FGF13: variants seen among roughly 807,000 people sequenced by gnomAD.
FGF13 encodes fibroblast growth factor 13.
Under a neutral mutation model 19.5 loss-of-function variants are expected in FGF13, and 2 were observed. The ratio of observed to expected loss-of-function variants is 0.10; its 90% CI spans 0.04 to 0.32. FGF13 has a LOEUF of 0.32. FGF13 is among the 10% of genes least tolerant of loss of function. FGF13 has a pLI of 1.00. For synonymous variants in FGF13, 72 were observed against 76.9 expected, an observed-to-expected ratio of 0.94 and a Z score of 0.33; for missense variants, 113 against 192.7, an observed-to-expected ratio of 0.59 and a Z score of 2.45.
At chrX:138,723,672 A>G (rs1466836991) in intron 1 of FGF13, among the ~76,000 whole-genome samples, 3 of 112,093 alleles carry the variant, frequency 2.7e-5, no homozygotes, top group Non-Finnish European at 5.6e-5. Flanking sequence ...AGGTCAACAG[A>G]AAAATAAAAT....
At chrX:138,958,672 G>T in intron 1 of FGF13, among the ~76,000 whole-genome samples, 2 of 111,669 alleles carry the variant, frequency 1.8e-5, no homozygotes, top group Non-Finnish European at 3.8e-5. Flanking sequence ...TAGTTGGTAG[G>T]CTATTAATTA....
At chrX:138,980,605 T>G (rs1016773855) in intron 1 of FGF13, among the ~76,000 whole-genome samples, 2 of 110,778 alleles carry the variant, frequency 1.8e-5, no homozygotes, top group East Asian at 5.6e-4. Flanking sequence ...GCTTGATAAA[T>G]TCTAATAATC....
intron 3 of FGF13, among the ~76,000 whole-genome samples, chrX:138,844,032 T>G (rs1194665430): frequency 8.9e-6 from 1 of 112,320 alleles, no homozygotes; most frequent in Non-Finnish European, 1.9e-5. Context: ...TTGTTCTTTT[T>G]AAACACTACT....
intron 3 of FGF13, among the ~76,000 whole-genome samples, chrX:138,778,636 A>C (rs972554668): frequency 1.3e-4 from 15 of 112,329 alleles, no homozygotes; most frequent in Non-Finnish European, 2.6e-4. Flanking sequence ...CACCGGGAGA[A>C]TATATCCCGC....
chrX:138,846,711 T>C (rs2091186218), intron 3 of FGF13, among the ~76,000 whole-genome samples: 2 of 112,225 alleles, frequency 1.8e-5, no homozygotes, highest in African/African-American at 3.2e-5. Flanking sequence ...TTTATAGCAG[T>C]GTGAGAACTG....
In FGF13 at chrX:139,171,664, T is replaced by C. The variant is rs760449460; in HGVS notation, c.-113+31752A>G. ...TCAATTTAATTTCTAAATTGGATGC[T>C]TTTTCTAAAATATATAAGCATTAAT... On this transcript the variant is annotated intron_variant, in intron 1 of 2. Transcript: ENST00000421460. 2.7e-5 allele frequency among the ~76,000 whole-genome samples: 3 copies of C among 112,549 alleles called. No homozygotes were observed. In the South Asian group the frequency reaches 1.1e-3, roughly 41 times the overall value.
intron 1 of FGF13, among the ~76,000 whole-genome samples, chrX:138,916,114 C>A (rs1405723040): frequency 8.9e-6 from 1 of 111,834 alleles, no homozygotes; most frequent in African/African-American, 3.3e-5. Context: ...TTTGGGAGAC[C>A]TGTTGATCAC....
chrX:138,786,148 G>A (rs1051279330), intron 3 of FGF13, among the ~76,000 whole-genome samples: 8 of 111,688 alleles, frequency 7.2e-5, no homozygotes, highest in African/African-American at 2.3e-4. Context: ...TCTTCACTCA[G>A]AACCAGAGTA....
chrX:138,712,935 G>A (rs1337362254), upstream of FGF13, among the ~76,000 whole-genome samples: 1 of 112,295 alleles, frequency 8.9e-6, no homozygotes, highest in Non-Finnish European at 1.9e-5. Context: ...TAGCCCATAA[G>A]AGCTGAATCA....
intron 3 of FGF13, among the ~76,000 whole-genome samples, chrX:138,754,164 C>A (rs915239772): frequency 1.8e-5 from 2 of 111,280 alleles, no homozygotes; most frequent in Non-Finnish European, 3.8e-5. Context: ...AAGGAGTGTG[C>A]GAAATATATG....
At position 139,147,821 on chromosome X, in the gene FGF13, G is replaced by A. The variant is rs181031831; in HGVS notation, c.-113+55595C>T. Among the ~76,000 whole-genome samples, 38 of 109,512 alleles carry A rather than the reference G, an allele frequency of 3.5e-4. No individual in the cohort carries two copies. The East Asian group carries it at 9.5e-3, about 27-fold the overall frequency. ...GTTGATCCTAATTAAGTATGACCTT[G>A]TATTAATTTGATTACTAGGTTCTTG... On this transcript the variant is annotated intron_variant, in intron 1 of 2. Transcript: ENST00000421460.
At chrX:139,011,361 C>CAAAAAAAAAAAA (rs3047329) in intron 1 of FGF13, among the ~76,000 whole-genome samples, 3 of 82,913 alleles carry the variant, frequency 3.6e-5, no homozygotes, top group East Asian at 3.8e-4. Flanking sequence ...AACAAACAAA[C>CAAAAAAAAAAAA]AAAAAAAAAA....
intron 3 of FGF13, among the ~76,000 whole-genome samples, chrX:138,773,453 C>A (rs1402470471): frequency 8.9e-6 from 1 of 112,091 alleles, no homozygotes; most frequent in Non-Finnish European, 1.9e-5. Flanking sequence ...CCCACTTGGA[C>A]GTTTTTACAA....
chrX:138,682,252 G>A (rs1304040867), intron 3 of FGF13, among the ~76,000 whole-genome samples: 3 of 112,409 alleles, frequency 2.7e-5, no homozygotes, highest in African/African-American at 9.7e-5. Flanking sequence ...AGCTACCACT[G>A]TAATTCTTTC....
intron 1 of FGF13, among the ~76,000 whole-genome samples, chrX:139,054,308 A>G (rs970558088): frequency 3.7e-5 from 4 of 108,476 alleles, no homozygotes; most frequent in African/African-American, 1.3e-4. Context: ...TATTTTTAGT[A>G]CAGACGGGGT....
At chrX:139,006,633 C>T (rs1420963247) in intron 1 of FGF13, among the ~76,000 whole-genome samples, 1 of 111,112 alleles carries the variant, frequency 9.0e-6, no homozygotes, top group African/African-American at 3.3e-5. Flanking sequence ...AACAACTTTC[C>T]AAGACATAGA....
chrX:138,794,508 A>G (rs2090763688), intron 3 of FGF13, among the ~76,000 whole-genome samples: 1 of 111,746 alleles, frequency 8.9e-6, no homozygotes, highest in Non-Finnish European at 1.9e-5. Context: ...GATTCAGCTC[A>G]TCTGTTTCAC....
intron 3 of FGF13, among the ~76,000 whole-genome samples, chrX:138,701,988 T>C (rs1171499262): frequency 8.9e-6 from 1 of 111,954 alleles, no homozygotes; most frequent in African/African-American, 3.2e-5. Flanking sequence ...ATTTAAAAAA[T>C]ACTCATATAT....
At chrX:139,059,203 T>C (rs1569448237) in intron 1 of FGF13, among the ~76,000 whole-genome samples, 1 of 110,241 alleles carries the variant, frequency 9.1e-6, no homozygotes. Flanking sequence ...TTTCAAAAAG[T>C]TTTCAGTGAT....
Sources: allele counts gnomAD v4.1 joint callset (sites outside exome capture counted in the v4.1 genomes callset), GRCh38; gene constraint gnomAD v4.1.1; transcripts MANE v1.5; gene names NCBI Gene and HGNC (gene_info 2026-07-23, HGNC 2026-07-21).